JAZF1: variants seen among roughly 807,000 people sequenced by gnomAD.
JAZF1 encodes juxtaposed with another zinc finger protein 1.
In JAZF1, 8 loss-of-function variants were observed where a neutral mutation model predicts 26.4. The observed-to-expected ratio is 0.30, with a 90% CI of 0.18 to 0.55. The LOEUF is 0.55. Ranked by LOEUF, JAZF1 falls within the 20% of genes least tolerant of loss-of-function variation. The pLI is 0.94. For synonymous variants in JAZF1, 126 were observed against 122.3 expected (o/e 1.03, Z -0.20); for missense variants, 199 against 322.0 (o/e 0.62, Z 2.92).
chr7:28,085,182 C>G (rs1784195307), intron 1 of JAZF1, among the ~76,000 whole-genome samples: 1 of 152,212 alleles, frequency 6.6e-6, no homozygotes, highest in Non-Finnish European at 1.5e-5. Context: ...CTTGCAAAAA[C>G]TAAGCTTTGC....
intron 3 of JAZF1, among the ~76,000 whole-genome samples, chr7:27,874,683 G>A (rs908273886): frequency 7.3e-5 from 11 of 150,312 alleles, no homozygotes; most frequent in African/African-American, 2.7e-4. Context: ...AAGAAGCATG[G>A]CCTGAATCAG....
intron 2 of JAZF1, among the ~76,000 whole-genome samples, chr7:27,981,854 T>C (rs1181008618): frequency 6.6e-6 from 1 of 152,252 alleles, no homozygotes; most frequent in Non-Finnish European, 1.5e-5. Flanking sequence ...TGACAGTTTA[T>C]GCCAAACCAC....
At chr7:27,948,693 T>C (rs1784957853) in intron 2 of JAZF1, among the ~76,000 whole-genome samples, 1 of 152,184 alleles carries the variant, frequency 6.6e-6, no homozygotes, top group African/African-American at 2.4e-5. Flanking sequence ...TTATATTGAC[T>C]GTATATTGAC....
chr7:27,867,299 G>A (rs1783489123), intron 3 of JAZF1, among the ~76,000 whole-genome samples: 1 of 152,150 alleles, frequency 6.6e-6, no homozygotes, highest in Non-Finnish European at 1.5e-5. Context: ...CAGAGTAATT[G>A]TCTCTTCCAA....
At chr7:27,970,977 ATGG>A (rs1278004366) in intron 2 of JAZF1, among the ~76,000 whole-genome samples, 3 of 152,198 alleles carry the variant, frequency 2.0e-5, no homozygotes, top group African/African-American at 7.2e-5. Flanking sequence ...GCTATGATGC[ATGG>A]TCACCGTGAA....
intron 1 of JAZF1, among the ~76,000 whole-genome samples, chr7:28,082,753 C>G (rs1247520796): frequency 6.6e-6 from 1 of 152,168 alleles, no homozygotes; most frequent in African/African-American, 2.4e-5. Flanking sequence ...CATCCACCTG[C>G]TGAACATCAC....
chr7:28,143,799 A>G (rs920217059), intron 1 of JAZF1, among the ~76,000 whole-genome samples: 1 of 152,156 alleles, frequency 6.6e-6, no homozygotes, highest in African/African-American at 2.4e-5. Context: ...GGATAATATC[A>G]TTTTCTCCTT....
chr7:27,836,963 ACT>A (rs142091602), intron 4 of JAZF1, among the ~76,000 whole-genome samples: 10 of 151,710 alleles, frequency 6.6e-5, no homozygotes, highest in African/African-American at 1.5e-4. Flanking sequence ...ACACACACAC[ACT>A]CTCTCTCTCA....
At chr7:27,957,478 T>G (rs1048857779) in intron 2 of JAZF1, among the ~76,000 whole-genome samples, 2 of 152,176 alleles carry the variant, frequency 1.3e-5, no homozygotes, top group Non-Finnish European at 2.9e-5. Context: ...GCATTGTACA[T>G]TTCAAGAACA....
chr7:28,070,005 C>T (rs1167257175), intron 1 of JAZF1, among the ~76,000 whole-genome samples: 1 of 152,164 alleles, frequency 6.6e-6, no homozygotes, highest in Non-Finnish European at 1.5e-5. Flanking sequence ...GCCTTTCTCT[C>T]CCTGCTCACG....
intron 1 of JAZF1, among the ~76,000 whole-genome samples, chr7:28,024,159 G>A (rs891344242): frequency 2.6e-5 from 4 of 151,980 alleles, no homozygotes; most frequent in African/African-American, 9.7e-5. Context: ...AAATGAATAT[G>A]GTGGCACCAC....
chr7:27,937,441 G>A (rs568284944), intron 2 of JAZF1, among the ~76,000 whole-genome samples: 6 of 152,256 alleles, frequency 3.9e-5, no homozygotes, highest in East Asian at 3.9e-4. Context: ...CAATAGAGGC[G>A]GTTGCCATTA....
intron 2 of JAZF1, among the ~76,000 whole-genome samples, chr7:27,946,139 T>C (rs1784921415): frequency 6.6e-6 from 1 of 152,222 alleles, no homozygotes; most frequent in South Asian, 2.1e-4. Flanking sequence ...TTTGGTAGGT[T>C]AGGTGTATTA....
intron 3 of JAZF1, among the ~76,000 whole-genome samples, chr7:27,862,991 G>T (rs1321868777): frequency 6.6e-6 from 1 of 152,262 alleles, no homozygotes; most frequent in East Asian, 1.9e-4. Context: ...CTGCTTGTGG[G>T]GCCCGATGGT....
intron 2 of JAZF1, among the ~76,000 whole-genome samples, chr7:27,953,746 G>A (rs893329536): frequency 1.3e-5 from 2 of 152,210 alleles, no homozygotes; most frequent in Non-Finnish European, 2.9e-5. Context: ...TAAACCCCTT[G>A]ATGGATCAAA....
intron 3 of JAZF1, among the ~76,000 whole-genome samples, chr7:27,859,134 C>A (rs1244699183): frequency 1.3e-5 from 2 of 152,208 alleles, no homozygotes; most frequent in African/African-American, 2.4e-5. Flanking sequence ...AGCTCATCAT[C>A]ACTGATCATT....
intron 1 of JAZF1, among the ~76,000 whole-genome samples, chr7:28,035,466 AGAGT>A (rs1051968311): frequency 6.6e-6 from 1 of 151,908 alleles, no homozygotes; most frequent in African/African-American, 2.4e-5. Context: ...AAAGAGATAG[AGAGT>A]ATCATCAAAA....
intron 4 of JAZF1, among the ~76,000 whole-genome samples, chr7:27,836,897 A>G (rs1782823319): frequency 6.6e-6 from 1 of 152,214 alleles, no homozygotes; most frequent in Non-Finnish European, 1.5e-5. Context: ...GATAAAAAAG[A>G]ACAGACACTA....
At chr7:28,099,444 G>A (rs1380089598) in intron 1 of JAZF1, among the ~76,000 whole-genome samples, 1 of 151,954 alleles carries the variant, frequency 6.6e-6, no homozygotes, top group East Asian at 1.9e-4. Context: ...ACCAACATGG[G>A]GGAGAGGAGT....
Sources: gnomAD v4.1 joint callset for allele counts (sites outside exome capture counted in the v4.1 genomes callset) on GRCh38, gnomAD v4.1.1 for gene constraint, MANE v1.5 for transcripts, NCBI Gene and HGNC (gene_info 2026-07-23, HGNC 2026-07-21) for gene names.